FBXO22: variants seen among roughly 807,000 people sequenced by gnomAD.
FBXO22 encodes F-box only protein 22.
In FBXO22, 13 loss-of-function variants were observed where a neutral mutation model predicts 37.2. The observed-to-expected ratio is 0.35, with a 90% CI of 0.23 to 0.56. The LOEUF is 0.56. Ranked by LOEUF, FBXO22 falls within the 20% of genes least tolerant of loss-of-function variation. The probability of loss-of-function intolerance (pLI) is 0.87; values close to 1 mark genes in which losing one functional copy is unlikely to be tolerated. For missense variants in FBXO22, 446 were observed against 509.9 expected, an observed-to-expected ratio of 0.87 and a Z score of 1.21; for synonymous variants, 189 against 189.1, an observed-to-expected ratio of 1.00 and a Z score of 0.00.
chr15:75,926,032 T>G (rs1900432877), intron 5 of FBXO22, among the ~76,000 whole-genome samples: 1 of 152,244 alleles, frequency 6.6e-6, no homozygotes, highest in Non-Finnish European at 1.5e-5. Flanking sequence ...TACCTAAGGT[T>G]ACATTTTGTA....
chr15:75,924,299 T>C lies in FBXO22; in HGVS notation c.629-5585T>C, dbSNP rs190128043. Among the ~76,000 whole-genome samples, 13 of 152,194 alleles carry C rather than the reference T, an allele frequency of 8.5e-5. No homozygotes were observed. The East Asian group carries it at 2.3e-3, about 27-fold the overall frequency. Reference sequence around the variant, plus strand: ...GTACTGCTGTAATATTATTTTGACATCCCTCCCTTCTGCTAATGCAAAGGC... The same window carrying C: ...GTACTGCTGTAATATTATTTTGACACCCCTCCCTTCTGCTAATGCAAAGGC... On this transcript the variant is annotated intron_variant, in intron 5 of 6. Transcript: ENST00000308275.
chr15:75,909,215 A>C (rs1899994393), intron 2 of FBXO22, among the ~76,000 whole-genome samples: 1 of 152,202 alleles, frequency 6.6e-6, no homozygotes, highest in Non-Finnish European at 1.5e-5. Context: ...GGGGACAAAT[A>C]AGATTAACTA....
At position 75,920,223 on chromosome 15, in the gene FBXO22, C is replaced by G. The variant is rs1900287507; in HGVS notation, c.628+2829C>G. ...GCTAGCTGGAGCGAACAAAGTTCAG[C>G]AAACTAGGTCTTTTTCAGAGTTGGT... On this transcript the variant is annotated intron_variant, in intron 5 of 6. Coordinates refer to ENST00000308275, the MANE Select transcript of FBXO22 (RefSeq NM_147188.3). 3.3e-5 allele frequency among the ~76,000 whole-genome samples: 5 copies of G among 152,276 alleles called. No individual in the cohort carries two copies. In the South Asian group the frequency reaches 1.0e-3, roughly 32 times the overall value.
At chr15:75,927,173 T>C (rs573161397) in intron 5 of FBXO22, among the ~76,000 whole-genome samples, 1 of 152,308 alleles carries the variant, frequency 6.6e-6, no homozygotes, top group African/African-American at 2.4e-5. Flanking sequence ...GGTTGTGAAG[T>C]AGCAATATTA....
chr15:75,924,035 G>A (rs1900387652), intron 5 of FBXO22, among the ~76,000 whole-genome samples: 1 of 152,192 alleles, frequency 6.6e-6, no homozygotes, highest in African/African-American at 2.4e-5. Context: ...GAAGGTGCGG[G>A]TTGGAAGATC....
intron 3 of FBXO22, 68 bp from the exon 4 acceptor site, chr15:75,914,042 T>C: frequency 8.5e-7 from 1 of 1,180,522 alleles, no homozygotes; most frequent in South Asian, 1.3e-5. Context: ...TTTGCTTTTT[T>C]ACTTTTTCAT....
chr15:75,904,399 C>A lies in FBXO22; in HGVS notation c.141-92C>A, dbSNP rs544773236. On this transcript the variant is annotated intron_variant, in intron 1 of 6. Coordinates refer to ENST00000308275, the MANE Select transcript of FBXO22 (RefSeq NM_147188.3). ...GGACTTTGGATCCCGCAGGGATCTC[C>A]TGCTGCTGCGCCAGCGGGTGGGGGT... The A allele has an allele frequency of 6.9e-6, 11 of 1,583,162 alleles. No individual in the cohort carries two copies. The East Asian group carries it at 2.3e-4, about 32-fold the overall frequency.
chr15:75,905,157 TAAC>T (rs1326166383), intron 2 of FBXO22, among the ~76,000 whole-genome samples: 2 of 152,188 alleles, frequency 1.3e-5, no homozygotes, highest in Admixed American at 6.5e-5. Context: ...TTTTCACTAT[TAAC>T]AACAACGCTG....
intron 6 of FBXO22, chr15:75,931,008 G>A (rs576279055): frequency 2.5e-4 from 59 of 237,518 alleles, no homozygotes; most frequent in Non-Finnish European, 3.4e-4. Context: ...CAAGTACGTT[G>A]AATCCCAGGC....
At chr15:75,924,353 C>A (rs954489444) in intron 5 of FBXO22, among the ~76,000 whole-genome samples, 3 of 152,148 alleles carry the variant, frequency 2.0e-5, no homozygotes, top group Non-Finnish European at 4.4e-5. Flanking sequence ...TAAGGATCTC[C>A]TTGAGCCATT....
At chr15:75,912,710 A>C (rs1900088236) in intron 2 of FBXO22, among the ~76,000 whole-genome samples, 2 of 152,274 alleles carry the variant, frequency 1.3e-5, no homozygotes, top group South Asian at 4.1e-4. Flanking sequence ...CTTTTCAAAA[A>C]ACCAGCTCCT....
At chr15:75,932,616 A>G in intron 6 of FBXO22, 69 bp from the exon 7 acceptor site, 1 of 1,427,664 alleles carries the variant, frequency 7.0e-7, no homozygotes, top group South Asian at 1.4e-5. Context: ...GTGAATCAGG[A>G]GGATTTTGCT....
intron 5 of FBXO22, among the ~76,000 whole-genome samples, chr15:75,921,827 CCTA>C (rs888565529): frequency 4.6e-5 from 7 of 151,800 alleles, no homozygotes; most frequent in African/African-American, 1.7e-4. Context: ...TTAGCCTAGG[CCTA>C]TACAGAGTCA....
rs2141750376 is a variant in FBXO22 at position 75,941,772 on chromosome 15, ATTGT to A, written c.*8673_*8676del. On this transcript the variant is annotated 3_prime_UTR_variant, in exon 7 of 7. Coordinates refer to ENST00000308275, the MANE Select transcript of FBXO22 (RefSeq NM_147188.3). ...AGGGAGCAGGAGGGAATGGGAATTT[ATTGT>A]TTAAGGGGCACAGAGATTAGTGTGG... The A allele has an allele frequency of 6.6e-6, 1 of 152,256 alleles. No individual in the cohort carries two copies. The highest frequency in any genetic ancestry group is 1.9e-4 in the East Asian group (1 of 5,190). 9.4% of individuals were successfully genotyped at this position (152,256 alleles called of 1,614,324 possible). A position where few individuals can be genotyped will look rare whatever the true frequency, so the allele number is the denominator to read the frequency against.
intron 3 of FBXO22, 66 bp from the exon 4 acceptor site, chr15:75,914,044 C>G: frequency 8.2e-7 from 1 of 1,218,048 alleles, no homozygotes; most frequent in Admixed American, 2.0e-5. Flanking sequence ...TGCTTTTTTA[C>G]TTTTTCATTC....
chr15:75,904,011 C>T lies in FBXO22; in HGVS notation c.48C>T (p.Asp16=), dbSNP rs769871187. The T allele has an allele frequency of 1.3e-5, 20 of 1,580,556 alleles. No homozygotes were observed. The highest frequency in any genetic ancestry group is 8.1e-5 in the South Asian group (7 of 86,478). Residue 16 remains aspartate (D), a synonymous_variant, in exon 1 of 7, where the codon GAC becomes GAT. Coordinates refer to ENST00000308275, the MANE Select transcript of FBXO22 (RefSeq NM_147188.3). ...CCGECRGSSV[D]PRSTFVLSNL... is the part of the protein sequence containing the mutation. The stretch of plus-strand genomic sequence containing the variant: ...GCGAGTGCCGCGGCTCCTCCGTAGA[C>T]CCGCGGAGCACCTTCGTGTTGAGTA...
intron 1 of FBXO22, 56 bp from the exon 2 acceptor site, chr15:75,904,435 T>C: frequency 1.2e-6 from 2 of 1,611,774 alleles, no homozygotes; most frequent in Non-Finnish European, 1.7e-6. Context: ...TTGTGAGCTG[T>C]GGGAGAGACG....
intron 5 of FBXO22, among the ~76,000 whole-genome samples, chr15:75,919,851 A>G (rs755552923): frequency 5.3e-5 from 8 of 152,154 alleles, no homozygotes; most frequent in Non-Finnish European, 1.2e-4. Flanking sequence ...ACGATGGCCA[A>G]TGTTTATGGA....
intron 4 of FBXO22, 38 bp downstream of exon 4, chr15:75,914,243 A>G (rs1309894698): frequency 7.0e-7 from 1 of 1,430,332 alleles, no homozygotes; most frequent in Non-Finnish European, 9.8e-7. Flanking sequence ...TCTTCCTTGC[A>G]TTAATGTGGG....
Sources: gnomAD v4.1 joint callset for allele counts (sites outside exome capture counted in the v4.1 genomes callset) on GRCh38, gnomAD v4.1.1 for gene constraint, MANE v1.5 for transcripts, NCBI Gene and HGNC (gene_info 2026-07-23, HGNC 2026-07-21) for gene names.